The following MEGF10 variants were observed in gnomAD, a reference collection of about 807,000 sequenced individuals.
MEGF10 encodes the protein multiple EGF like domains 10, also known as multiple epidermal growth factor-like domains protein 10.
MEGF10 carries 86 observed loss-of-function variants against 147.5 expected under a neutral mutation model. The observed-to-expected ratio is 0.58, with a 90% CI of 0.49 to 0.70. MEGF10 has a LOEUF of 0.70. Among genes scored for constraint, MEGF10 ranks in the 30% least tolerant of loss-of-function variants. MEGF10 has a pLI of 0.00. For missense variants in MEGF10, 1,329 were observed against 1,487.3 expected (o/e 0.89, Z 1.75); for synonymous variants, 478 against 525.5 (o/e 0.91, Z 1.24).
At chr5:127,364,244 T>C (rs1304081393) in intron 4 of MEGF10, among the ~76,000 whole-genome samples, 5 of 152,184 alleles carry the variant, frequency 3.3e-5, no homozygotes, top group African/African-American at 1.2e-4. Flanking sequence ...ATCATCTCAA[T>C]ACAACCCCTG....
At chr5:127,259,224 T>C in the MEGF10 span, among the ~76,000 whole-genome samples, 4 of 152,206 alleles carry the variant, frequency 2.6e-5, no homozygotes, top group Non-Finnish European at 5.9e-5. Context: ...AATAATCATC[T>C]GCCACTCCCA....
At chr5:127,413,626 G>A (rs1391864382) in intron 9 of MEGF10, among the ~76,000 whole-genome samples, 1 of 152,070 alleles carries the variant, frequency 6.6e-6, no homozygotes, top group Non-Finnish European at 1.5e-5. Flanking sequence ...TATACACAAA[G>A]CAATCTGTTC....
intron 8 of MEGF10, among the ~76,000 whole-genome samples, chr5:127,404,039 A>G (rs1183467024): frequency 1.3e-5 from 2 of 152,198 alleles, no homozygotes; most frequent in Non-Finnish European, 2.9e-5. Flanking sequence ...TAGTGGTTGT[A>G]CTAATTTACA....
Position 127,367,173 on chromosome 5 carries a change from G to A in MEGF10, c.320-2737G>A, listed in dbSNP as rs536482026. 1.2e-4 allele frequency among the ~76,000 whole-genome samples: 19 copies of A among 152,212 alleles called. No individual in the cohort carries two copies. The South Asian group carries it at 3.7e-3, about 30-fold the overall frequency. On this transcript the variant is annotated intron_variant, in intron 4 of 24. Coordinates refer to ENST00000503335, the MANE Select transcript of MEGF10 (RefSeq NM_001256545.2). ...TTCTATGGTGTATATCAAATAAGTA[G>A]TGTGTGGAAGAGAAAGACGAGTGGT...
intron 1 of MEGF10, among the ~76,000 whole-genome samples, chr5:127,307,561 G>T (rs1373694856): frequency 1.3e-5 from 2 of 152,172 alleles, no homozygotes; most frequent in Admixed American, 1.3e-4. Context: ...CTTCCTCTAT[G>T]TTGGCTCATG....
chr5:127,419,930 G>A, intron 11 of MEGF10, 114 bp from the exon 12 acceptor site: 2 of 1,236,328 alleles, frequency 1.6e-6, no homozygotes, highest in Non-Finnish European at 2.2e-6. Context: ...CTGCTGCTGT[G>A]GCTGGGGCTT....
the MEGF10 span, among the ~76,000 whole-genome samples, chr5:127,273,122 G>A: frequency 4.6e-5 from 7 of 152,294 alleles, no homozygotes; most frequent in South Asian, 4.1e-4. Context: ...TGTGCATGCC[G>A]GAGCAGCTGC....
the MEGF10 span, among the ~76,000 whole-genome samples, chr5:127,254,647 C>A: frequency 6.6e-6 from 1 of 151,688 alleles, no homozygotes; most frequent in Middle Eastern, 3.4e-3. Context: ...CTCGTCTCTA[C>A]TAAAAATACA....
intron 3 of MEGF10, among the ~76,000 whole-genome samples, 164 bp downstream of exon 3, chr5:127,339,385 C>T (rs559903876): frequency 3.9e-5 from 6 of 152,236 alleles, no homozygotes; most frequent in African/African-American, 1.4e-4. Context: ...TGTAGAAAAG[C>T]AGAAAGGTAG....
At chr5:127,388,744 A>G (rs1763534561) in intron 5 of MEGF10, among the ~76,000 whole-genome samples, 1 of 151,188 alleles carries the variant, frequency 6.6e-6, no homozygotes, top group Non-Finnish European at 1.5e-5. Flanking sequence ...ACAGAGTTTC[A>G]CCGTGTTAGC....
chr5:127,452,580 C>G (rs1766194851), intron 22 of MEGF10, among the ~76,000 whole-genome samples: 1 of 152,150 alleles, frequency 6.6e-6, no homozygotes. Context: ...ATGGGGGGCT[C>G]AGTCATATAG....
At chr5:127,371,621 G>C (rs958730761) in intron 5 of MEGF10, among the ~76,000 whole-genome samples, 14 of 152,152 alleles carry the variant, frequency 9.2e-5, no homozygotes, top group African/African-American at 3.1e-4. Context: ...TGTCTCCTAA[G>C]AATTGCAGAC....
chr5:127,433,212 T>C, intron 13 of MEGF10, 151 bp from the exon 14 acceptor site: 1 of 821,620 alleles, frequency 1.2e-6, no homozygotes, highest in South Asian at 1.7e-5. Context: ...TGATACTGTG[T>C]ATTGATGTTT....
the MEGF10 span, among the ~76,000 whole-genome samples, chr5:127,235,972 G>A: frequency 8.4e-6 from 1 of 119,600 alleles, no homozygotes; most frequent in Non-Finnish European, 1.8e-5. Flanking sequence ...GCCCAGGGTC[G>A]GCAAACTTTT....
chr5:127,426,316 TC>T (rs1765209901), intron 13 of MEGF10, among the ~76,000 whole-genome samples: 1 of 152,204 alleles, frequency 6.6e-6, no homozygotes, highest in South Asian at 2.1e-4. Flanking sequence ...ATAAAATAAG[TC>T]CTCAAAATAT....
upstream of MEGF10, among the ~76,000 whole-genome samples, chr5:127,289,567 G>C (rs3812059): frequency 0.017 from 2,574 of 152,262 alleles, 62 homozygotes; most frequent in East Asian, 0.09. Flanking sequence ...CAGAGAAGGG[G>C]CAATGATGAC....
At chr5:127,435,233 G>A in intron 15 of MEGF10, 128 bp from the exon 16 acceptor site, 1 of 1,127,504 alleles carries the variant, frequency 8.9e-7, no homozygotes, top group Middle Eastern at 2.1e-4. Flanking sequence ...GAAGGATGCT[G>A]TTGAGCAGAG....
chr5:127,352,403 TG>T (rs1390526669), intron 4 of MEGF10, among the ~76,000 whole-genome samples: 1 of 152,260 alleles, frequency 6.6e-6, no homozygotes, highest in Non-Finnish European at 1.5e-5. Context: ...GGCTCACTCC[TG>T]TAATCCTAGC....
rs61170684 is a variant in MEGF10, at chr5:127,434,113, C to T, written c.1841-574C>T. On this transcript the variant is annotated intron_variant, in intron 14 of 24. Transcript: ENST00000503335. ...TAATTTTTTAAATTGCCTTTCCCCC[C>T]ATAAGAATTCTATGCAGTTATCATA... Among the ~76,000 whole-genome samples the T allele has an allele frequency of 5.2e-3, 796 of 152,220 alleles. 10 individuals are homozygous for T. The highest frequency in any genetic ancestry group is 0.018 in the African/African-American group (760 of 41,516).
Sources: allele counts gnomAD v4.1 joint callset (sites outside exome capture counted in the v4.1 genomes callset), GRCh38; gene constraint gnomAD v4.1.1; transcripts MANE v1.5; gene names NCBI Gene and HGNC (gene_info 2026-07-23, HGNC 2026-07-21).